Variants in LAMB1 observed in about 807,000 individuals in gnomAD.
The protein encoded by LAMB1 is laminin subunit beta-1.
A neutral mutation model predicts 222.3 loss-of-function variants in LAMB1; 121 were observed. The ratio of observed to expected loss-of-function variants is 0.54; its 90% confidence interval spans 0.47 to 0.63. The LOEUF (loss-of-function observed/expected upper bound fraction) is 0.63. Ranked by LOEUF, LAMB1 falls within the 30% of genes least tolerant of loss-of-function variation. The pLI, the probability that LAMB1 is intolerant of heterozygous loss-of-function variation, is 0.00. For synonymous variants in LAMB1, 794 were observed against 807.2 expected, an observed-to-expected ratio of 0.98 and a Z score of 0.28; for missense variants, 2,172 against 2,240.8, an observed-to-expected ratio of 0.97 and a Z score of 0.62.
In LAMB1 at chr7:107,948,136, G is replaced by A. The variant is rs147981333; in HGVS notation, c.3391+3090C>T. 9.6e-3 allele frequency among the ~76,000 whole-genome samples: 1,464 copies of A among 151,960 alleles called. 11 individuals carry two copies. The highest frequency in any genetic ancestry group is 0.017 in the Middle Eastern group (5 of 294). On this transcript the variant is annotated intron_variant, in intron 24 of 33. Transcript: ENST00000222399. The stretch of plus-strand genomic sequence containing the variant: ...CAAGTAGCTGGGATTATAGGTGTGC[G>A]CCATCTCACCTGATTAATTTTCGTA...
rs2033500757 is a variant in LAMB1, at chr7:107,961,535, ACCG to A, written c.1985+11_1985+13del. 1.2e-6 allele frequency: 2 copies of A among 1,603,680 alleles called. No individual in the cohort carries two copies. Among genetic ancestry groups the A allele is most frequent in the African/African-American group, 2.7e-5 (2 of 74,664 alleles). The stretch of plus-strand genomic sequence containing the variant: ...ATGAAGCCCGTTGAGCTGCCAAACC[ACCG>A]TCACACTGACCTTGAGCCTGGTGAT... On this transcript the variant is annotated intron_variant, in intron 16 of 33. Transcript: ENST00000222399.
chr7:107,986,352 T>G lies in LAMB1; in HGVS notation c.435A>C (p.Pro145=). 1 of 1,589,384 alleles carries G rather than the reference T, an allele frequency of 6.3e-7. No individual in the cohort carries two copies. Among genetic ancestry groups the G allele is most frequent in the Non-Finnish European group, 8.6e-7 (1 of 1,163,654 alleles). Residue 145 remains proline (P), a synonymous_variant, in exon 6 of 34, where the codon CCA becomes CCC. Coordinates refer to ENST00000222399, the MANE Select transcript of LAMB1 (RefSeq NM_002291.3). The part of the protein sequence containing the change: ...HLIMTFKTFR[P]AAMLIERSSD... Reference sequence around the variant, plus strand: ...ACGATCGTTCTATCAGCATAGCAGCTGGACGGAATGTCTAAAGGCAGGAGC... The same window carrying G: ...ACGATCGTTCTATCAGCATAGCAGCGGGACGGAATGTCTAAAGGCAGGAGC...
At chr7:107,979,326 G>C (rs971398715) in intron 8 of LAMB1, among the ~76,000 whole-genome samples, 1 of 152,196 alleles carries the variant, frequency 6.6e-6, no homozygotes, top group Non-Finnish European at 1.5e-5. Flanking sequence ...TTAAAGGGCT[G>C]AATACACTCA....
intron 5 of LAMB1, 102 bp from the exon 6 acceptor site, chr7:107,986,465 G>C (rs1032414612): frequency 2.5e-5 from 22 of 891,278 alleles, no homozygotes; most frequent in Admixed American, 1.4e-4. Context: ...CCACAAACTT[G>C]AACTGCATAT....
chr7:107,945,526 T>TG (rs1363990057), intron 24 of LAMB1, among the ~76,000 whole-genome samples: 3 of 152,238 alleles, frequency 2.0e-5, no homozygotes, highest in Non-Finnish European at 4.4e-5. Context: ...TGCTGCTTCA[T>TG]GTTGTCTGTG....
intron 5 of LAMB1, among the ~76,000 whole-genome samples, chr7:107,986,764 G>A (rs2150446979): frequency 6.6e-6 from 1 of 152,274 alleles, no homozygotes; most frequent in African/African-American, 2.4e-5. Flanking sequence ...CTTAGTATCA[G>A]CCAGTGGACT....
chr7:107,926,688 A>G (rs1233156797), intron 31 of LAMB1, among the ~76,000 whole-genome samples: 3 of 152,314 alleles, frequency 2.0e-5, no homozygotes, highest in African/African-American at 7.2e-5. Context: ...GGACACCTGC[A>G]AACTTTGGCT....
At chr7:107,971,113 A>G (rs2033740347) in intron 13 of LAMB1, among the ~76,000 whole-genome samples, 1 of 152,232 alleles carries the variant, frequency 6.6e-6, no homozygotes, top group African/African-American at 2.4e-5. Flanking sequence ...ACTACCAAAA[A>G]TCCATTTAGC....
chr7:107,953,735 AC>A lies in LAMB1; in HGVS notation c.2873del (p.Cys958LeufsTer103). The A allele has an allele frequency of 6.2e-7, 1 of 1,614,158 alleles. No individual in the cohort carries two copies. Among genetic ancestry groups the A allele is most frequent in the Non-Finnish European group, 8.5e-7 (1 of 1,180,008 alleles). ...ATGGATTGCCAAAGTATCCTGAGGCACAGTCGTCACATCTGGAACCTGTCAC... is the reference window on the plus strand; with the variant it reads ...ATGGATTGCCAAAGTATCCTGAGGCAAGTCGTCACATCTGGAACCTGTCAC... ...PGYIGSRCDD[C>X]ASGYFGNPSE... On this transcript the variant is annotated frameshift_variant, in exon 22 of 34. Transcript: ENST00000222399. LOFTEE classifies it high-confidence loss of function.
intron 4 of LAMB1, among the ~76,000 whole-genome samples, chr7:107,997,414 C>T (rs1044030755): frequency 1.3e-5 from 2 of 152,094 alleles, no homozygotes; most frequent in African/African-American, 4.8e-5. Flanking sequence ...AAGAGGGAGA[C>T]TCTGCCTCAA....
Position 107,961,186 on chromosome 7 carries a change from A to G in LAMB1, c.2109+20T>C, listed in dbSNP as rs1420382760. The G allele has an allele frequency of 6.2e-7, 1 of 1,613,840 alleles. No individual in the cohort carries two copies. Among genetic ancestry groups the G allele is most frequent in the Non-Finnish European group, 8.5e-7 (1 of 1,179,982 alleles). Reference sequence around the variant, plus strand: ...CCGCCCAGGCTTTCCTGCATATGCCAGAAGCAATCTCGCACTTACAGAATC... The same window carrying G: ...CCGCCCAGGCTTTCCTGCATATGCCGGAAGCAATCTCGCACTTACAGAATC... On this transcript the variant is annotated intron_variant, in intron 17 of 33. Transcript: ENST00000222399.
At chr7:107,982,172 G>C (rs1393873868) in intron 7 of LAMB1, among the ~76,000 whole-genome samples, 1 of 152,190 alleles carries the variant, frequency 6.6e-6, no homozygotes, top group Non-Finnish European at 1.5e-5. Flanking sequence ...CAAACGAAGA[G>C]CCATTCAACC....
chr7:107,926,441 A>C (rs541371672), intron 31 of LAMB1, 82 bp from the exon 32 acceptor site: 5 of 1,196,268 alleles, frequency 4.2e-6, no homozygotes, highest in Non-Finnish European at 5.9e-6. Context: ...GAAGATTTAA[A>C]AGTCTGCTGT....
In LAMB1 at chr7:107,940,111, G is replaced by A. The variant is rs141885441; in HGVS notation, c.3639C>T (p.Ile1213=). ...AGTCCACAGTCTCACGGTAAGGCCC[G>A]ATCACACCACTGATCTTCAAGGCCT... ...KAKALKISGV[I]GPYRETVDSV... The change falls in exon 25 of 34, where the codon ATC becomes ATT. Residue 1213 remains isoleucine (I), a synonymous_variant. Transcript: ENST00000222399. The A allele has an allele frequency of 2.6e-5, 42 of 1,613,924 alleles. No individual in the cohort carries two copies. The highest frequency in any genetic ancestry group is 1.1e-4 in the African/African-American group (8 of 74,882).
At position 107,953,544 on chromosome 7, in the gene LAMB1, T is replaced by C. The variant is rs20556; in HGVS notation, c.3065A>G (p.Gln1022Arg). The C allele has an allele frequency of 0.64, 1,026,934 of 1,612,288 alleles. 329,260 individuals carry two copies. Among genetic ancestry groups the C allele is most frequent in the East Asian group, 0.85 (38,273 of 44,850 alleles). Residue 1022 changes from glutamine to arginine, a missense_variant, in exon 22 of 34, where the codon CAG becomes CGG. Physicochemically the swap from Gln to Arg is conservative, Grantham distance 43 (BLOSUM62 1). Transcript: ENST00000222399. ...GTGCATCTTACTTCGACAGTCCTGC[T>C]GGAGGGCATCACCATAGTATCCAAA... is the stretch of plus-strand genomic sequence containing the variant. Reference protein sequence around the residue: ...CRFGYYGDALQQDCRKCVCNY... With the variant: ...CRFGYYGDALRQDCRKCVCNY...
In LAMB1 at chr7:107,935,408, A is replaced by G; in HGVS notation, c.4188+7T>C. On this transcript the variant is annotated splice_region_variant and intron_variant, in intron 27 of 33. Coordinates refer to ENST00000222399, the MANE Select transcript of LAMB1 (RefSeq NM_002291.3). ...CATAGCAGTAAGGCCACATCCCCAA[A>G]CCTTACCATTTCGGCAGCGGCTGAA... 6.2e-7 allele frequency: 1 copy of G among 1,602,504 alleles called. No individual in the cohort carries two copies. The highest frequency in any genetic ancestry group is 8.5e-7 in the Non-Finnish European group (1 of 1,177,244).
At chr7:107,966,098 AAAATAAAT>A (rs540028007) in intron 13 of LAMB1, among the ~76,000 whole-genome samples, 4 of 152,078 alleles carry the variant, frequency 2.6e-5, no homozygotes, top group Non-Finnish European at 5.9e-5. Flanking sequence ...ACTTCATCTC[AAAATAAAT>A]AAATAAATAA....
At chr7:107,978,455 TAA>T (rs11350102) in intron 8 of LAMB1, among the ~76,000 whole-genome samples, 280 of 126,344 alleles carry the variant, frequency 2.2e-3, no homozygotes, top group African/African-American at 7.1e-3. Context: ...TACTTAAAAT[TAA>T]AAAAAAAAAA....
chr7:107,984,185 T>C (rs1584531584), intron 7 of LAMB1, among the ~76,000 whole-genome samples: 2 of 152,146 alleles, frequency 1.3e-5, no homozygotes, highest in East Asian at 3.9e-4. Context: ...TCCTGCAGTA[T>C]AGCCACGTGA....
Sources: allele counts gnomAD v4.1 joint callset (sites outside exome capture counted in the v4.1 genomes callset), GRCh38; gene constraint gnomAD v4.1.1; transcripts MANE v1.5; gene names NCBI Gene and HGNC (gene_info 2026-07-23, HGNC 2026-07-21).